HYDIN: variants seen among roughly 807,000 people sequenced by gnomAD.
HYDIN encodes axonemal central pair apparatus protein HYDIN.
A neutral mutation model predicts 403.9 loss-of-function variants in HYDIN; 132 were observed. The ratio of observed to expected loss-of-function variants is 0.33; its 90% CI spans 0.28 to 0.38. HYDIN has a LOEUF of 0.38. HYDIN is among the 10% of genes least tolerant of loss of function. HYDIN has a pLI of 1.00. For missense variants in HYDIN, 2,827 were observed against 5,009.5 expected, an observed-to-expected ratio of 0.56 and a Z score of 13.15; for synonymous variants, 1,202 against 1,891.7, an observed-to-expected ratio of 0.64 and a Z score of 9.46.
intron 78 of HYDIN, 140 bp downstream of exon 78, chr16:70,835,536 A>G: frequency 1.4e-6 from 1 of 722,050 alleles, no homozygotes; most frequent in Non-Finnish European, 2.3e-6. Context: ...AAATGAACAG[A>G]GGGAGTACAG....
intron 9 of HYDIN, among the ~76,000 whole-genome samples, chr16:71,122,907 G>A (rs1473008557): frequency 2.2e-3 from 235 of 104,466 alleles, no homozygotes; most frequent in African/African-American, 8.2e-3. Context: ...GCTGATGTCC[G>A]TCAATCAGCT....
chr16:70,822,113 A>G (rs1415770696), intron 83 of HYDIN, among the ~76,000 whole-genome samples: 1 of 151,942 alleles, frequency 6.6e-6, no homozygotes, highest in Non-Finnish European at 1.5e-5. Flanking sequence ...AATAGTTGCC[A>G]TAGATAATGA....
intron 41 of HYDIN, among the ~76,000 whole-genome samples, chr16:70,945,682 G>A (rs1258138311): frequency 6.6e-6 from 1 of 152,170 alleles, no homozygotes; most frequent in African/African-American, 2.4e-5. Flanking sequence ...GAGGTAGAAG[G>A]GAAGGTGGAG....
intron 45 of HYDIN, among the ~76,000 whole-genome samples, chr16:70,925,352 C>T (rs906869833): frequency 2.4e-4 from 36 of 152,390 alleles, no homozygotes; most frequent in Non-Finnish European, 4.3e-4. Context: ...ATATGGCTAG[C>T]CAGTTTTCCC....
At chr16:71,152,527 C>G (rs2085578106) in intron 7 of HYDIN, 132 bp downstream of exon 7, 3 of 771,786 alleles carry the variant, frequency 3.9e-6, no homozygotes, top group Admixed American at 2.3e-5. Context: ...GCCCTCTCCC[C>G]CAAGTCCACA....
In HYDIN at chr16:70,946,376, T is replaced by C. The variant is rs938699279; in HGVS notation, c.6532-2427A>G. Among the ~76,000 whole-genome samples the C allele has an allele frequency of 6.0e-5, 9 of 149,118 alleles. No homozygotes were observed. In the Admixed American group the frequency reaches 6.1e-4, roughly 10 times the overall value. On this transcript the variant is annotated intron_variant, in intron 41 of 85. Coordinates refer to ENST00000393567, the MANE Select transcript of HYDIN (RefSeq NM_001270974.2). ...AGTGATGAGAGCAATAAAGCAGTCA[T>C]CTTGAATAGATGCAGAGCTGAGCCA...
Position 71,066,995 on chromosome 16 carries a change from T to C in HYDIN, c.2075+295A>G, listed in dbSNP as rs2082293144. On this transcript the variant is annotated intron_variant, in intron 15 of 85. Transcript: ENST00000393567. ...TCACCTCTTCCTGCTAAAACCTTTCTGGTTACATACTTTGAAAGTCAAACC... is the reference window on the plus strand; with the variant it reads ...TCACCTCTTCCTGCTAAAACCTTTCCGGTTACATACTTTGAAAGTCAAACC... The C allele has an allele frequency of 6.0e-6, 4 of 669,042 alleles. No individual in the cohort carries two copies. The South Asian group carries it at 6.6e-5, about 11-fold the overall frequency. 41.4% of individuals were successfully genotyped at this position (669,042 alleles called of 1,614,324 possible).
At chr16:70,965,848 C>A (rs2078557505) in intron 36 of HYDIN, among the ~76,000 whole-genome samples, 1 of 151,932 alleles carries the variant, frequency 6.6e-6, no homozygotes, top group Non-Finnish European at 1.5e-5. Flanking sequence ...AAGGCTATTG[C>A]CCTACCAGAT....
intron 5 of HYDIN, among the ~76,000 whole-genome samples, chr16:71,165,449 T>G (rs1177886477): frequency 6.6e-6 from 1 of 150,542 alleles, no homozygotes; most frequent in Non-Finnish European, 1.5e-5. Flanking sequence ...TCCCTTACCT[T>G]CTGTCCAGCT....
chr16:71,067,204 T>C (rs1455708714), intron 15 of HYDIN, 86 bp downstream of exon 15: 8 of 658,316 alleles, frequency 1.2e-5, no homozygotes, highest in Admixed American at 5.7e-5. Context: ...TGTGCTTGGG[T>C]TGGCAGGCCA....
At chr16:71,222,373 A>C (rs1425408972) in intron 1 of HYDIN, among the ~76,000 whole-genome samples, 2 of 152,202 alleles carry the variant, frequency 1.3e-5, no homozygotes, top group Non-Finnish European at 2.9e-5. Context: ...ACCCACAGCC[A>C]ACATCATACT....
chr16:71,194,628 T>C (rs2087602646), intron 1 of HYDIN, among the ~76,000 whole-genome samples: 1 of 152,190 alleles, frequency 6.6e-6, no homozygotes, highest in South Asian at 2.1e-4. Flanking sequence ...TCTAACAAAT[T>C]GCCCCAAAAC....
At chr16:71,087,483 G>A (rs1218762914) in intron 12 of HYDIN, among the ~76,000 whole-genome samples, 2 of 137,664 alleles carry the variant, frequency 1.5e-5, no homozygotes, top group Non-Finnish European at 3.1e-5. Flanking sequence ...CCTCTTTAAA[G>A]GCCCTATGTC....
At chr16:70,826,660 A>T (rs1410280902) in intron 83 of HYDIN, among the ~76,000 whole-genome samples, 3 of 145,236 alleles carry the variant, frequency 2.1e-5, no homozygotes, top group African/African-American at 8.2e-5. Context: ...CTATTCAGTT[A>T]TTGTAGAAAA....
intron 46 of HYDIN, 28 bp downstream of exon 46, chr16:70,920,563 C>G: frequency 6.4e-7 from 1 of 1,558,902 alleles, no homozygotes; most frequent in Non-Finnish European, 8.7e-7. Flanking sequence ...TGACTTGAGA[C>G]TTCCCCACCC....
At chr16:71,125,677 T>G (rs1279763848) in intron 9 of HYDIN, among the ~76,000 whole-genome samples, 1 of 151,978 alleles carries the variant, frequency 6.6e-6, no homozygotes, top group Non-Finnish European at 1.5e-5. Flanking sequence ...TCTCCCAATA[T>G]CTTCAGCACA....
chr16:70,995,025 G>C (rs2079483143), intron 23 of HYDIN, among the ~76,000 whole-genome samples: 1 of 151,828 alleles, frequency 6.6e-6, no homozygotes, highest in South Asian at 2.1e-4. Flanking sequence ...CACCTCAGTT[G>C]ACAATGCTAC....
intron 12 of HYDIN, among the ~76,000 whole-genome samples, chr16:71,083,952 T>C (rs1450200593): frequency 7.4e-6 from 1 of 135,806 alleles, no homozygotes; most frequent in African/African-American, 2.9e-5. Context: ...AAAGGGAAAC[T>C]ACTGTATTTT....
intron 1 of HYDIN, among the ~76,000 whole-genome samples, chr16:71,215,677 TA>T (rs2088841135): frequency 6.7e-6 from 1 of 150,078 alleles, no homozygotes; most frequent in Non-Finnish European, 1.5e-5. Context: ...AAACACCATA[TA>T]AAAAATAAAA....
Sources: allele counts gnomAD v4.1 joint callset (sites outside exome capture counted in the v4.1 genomes callset), GRCh38; gene constraint gnomAD v4.1.1; transcripts MANE v1.5; gene names NCBI Gene and HGNC (gene_info 2026-07-23, HGNC 2026-07-21).